The following WDR33 variants were observed in gnomAD, a reference collection of about 807,000 sequenced individuals.
WDR33 encodes the protein WD repeat domain 33.
WDR33 carries 47 observed loss-of-function variants against 164.9 expected under a neutral mutation model. The observed-to-expected ratio is 0.29, with a 90% CI of 0.23 to 0.36. The LOEUF is 0.36. Among genes scored for constraint, WDR33 ranks in the 10% least tolerant of loss-of-function variants. WDR33 has a pLI of 1.00. For synonymous variants in WDR33, 505 were observed against 589.0 expected, an observed-to-expected ratio of 0.86 and a Z score of 2.06; for missense variants, 1,137 against 1,754.1, an observed-to-expected ratio of 0.65 and a Z score of 6.28.
At position 127,735,980 on chromosome 2, in the gene WDR33, T is replaced by C. The variant is rs1428876072; in HGVS notation, c.725-9203A>G. 4.1e-6 allele frequency: 4 copies of C among 985,320 alleles called. No individual in the cohort carries two copies. Among genetic ancestry groups the C allele is most frequent in the Non-Finnish European group, 4.8e-6 (4 of 829,936 alleles). 61.0% of individuals were successfully genotyped at this position (985,320 alleles called of 1,614,324 possible). A position where few individuals can be genotyped will look rare whatever the true frequency, so the allele number is the denominator to read the frequency against. On this transcript the variant is annotated intron_variant, in intron 7 of 21. Transcript: ENST00000322313. This position sits in a 1 kb window ranked among gnomAD's most constrained non-coding sequence, Gnocchi z 4.3. ...GGGGGTATGCCTAGGCAGGGCAGTG[T>C]TTTCACAATGTATGTTCCAACAATA...
At position 127,726,596 on chromosome 2, in the gene WDR33, C is replaced by T. The variant is rs1224239594; in HGVS notation, c.851+55G>A. On this transcript the variant is annotated intron_variant, in intron 8 of 21. Coordinates refer to ENST00000322313, the MANE Select transcript of WDR33 (RefSeq NM_018383.5). This position sits in a 1 kb window ranked among gnomAD's most constrained non-coding sequence, Gnocchi z 4.8. ...GAAAACAAAGCTAAAAGTTAAAGGA[C>T]ACACTGCTTTGCTCCCCTTTGTTCA... The T allele has an allele frequency of 1.9e-6, 3 of 1,591,508 alleles. No homozygotes were observed. The highest frequency in any genetic ancestry group is 1.7e-6 in the Non-Finnish European group (2 of 1,170,828).
chr2:127,802,773 G>A (rs1336382471), intron 1 of WDR33, among the ~76,000 whole-genome samples: 1 of 152,102 alleles, frequency 6.6e-6, no homozygotes, highest in Non-Finnish European at 1.5e-5. Context: ...GACCCCAGGA[G>A]TTCGAGCCCA....
rs1686248595 is a variant in WDR33 at position 127,714,315 on chromosome 2, C to CTGGGCTTCAGAAGGAGCTTCCT, written c.2870-316_2870-295dup. On this transcript the variant is annotated intron_variant, in intron 17 of 21. Coordinates refer to ENST00000322313, the MANE Select transcript of WDR33 (RefSeq NM_018383.5). This position sits in a 1 kb window ranked among gnomAD's most constrained non-coding sequence, Gnocchi z 4.3. Reference sequence around the variant, plus strand: ...TACACTGGAAAAATGAGAGAGCCTCCTGGGCTTCAGAAGGAGCTTCCTTTG... The same window carrying CTGGGCTTCAGAAGGAGCTTCCT: ...TACACTGGAAAAATGAGAGAGCCTCCTGGGCTTCAGAAGGAGCTTCCTTGGGCTTCAGAAGGAGCTTCCTTTG... Among the ~76,000 whole-genome samples, 1 of 152,208 alleles carries CTGGGCTTCAGAAGGAGCTTCCT rather than the reference C, an allele frequency of 6.6e-6. No homozygotes were observed. The highest frequency in any genetic ancestry group is 2.1e-4 in the South Asian group (1 of 4,826).
chr2:127,794,695 G>T (rs1210579343), intron 1 of WDR33, among the ~76,000 whole-genome samples: 1 of 151,326 alleles, frequency 6.6e-6, no homozygotes, highest in Non-Finnish European at 1.5e-5. Flanking sequence ...TTAGCCAGGT[G>T]TAGTGGCGGG....
At chr2:127,745,183 G>C (rs968706682) in intron 7 of WDR33, among the ~76,000 whole-genome samples, 18 of 152,140 alleles carry the variant, frequency 1.2e-4, no homozygotes, top group Admixed American at 4.6e-4. Flanking sequence ...GTTGTATTCT[G>C]AAGAACACAT....
intron 7 of WDR33, among the ~76,000 whole-genome samples, chr2:127,751,995 G>A (rs771472977): frequency 1.2e-4 from 18 of 152,278 alleles, no homozygotes; most frequent in East Asian, 5.8e-4. Context: ...CAAGTTTCAC[G>A]GGGTGGACGC....
chr2:127,806,019 G>T (rs942562191), intron 1 of WDR33, among the ~76,000 whole-genome samples: 7 of 151,668 alleles, frequency 4.6e-5, no homozygotes. Flanking sequence ...AGGCCAAGGT[G>T]GGCAGATTGC....
rs758800770 is a variant in WDR33 at position 127,720,335 on chromosome 2, G to A, written c.1690C>T (p.Leu564Phe). The A allele has an allele frequency of 1.3e-6, 2 of 1,505,352 alleles. No homozygotes were observed. The highest frequency in any genetic ancestry group is 2.3e-5 in the Admixed American group (1 of 43,202). 93.2% of individuals were successfully genotyped at this position (1,505,352 alleles called of 1,614,324 possible). ...QLLEQLKIER[L>F]AQKQVEQIQP... ...ATTTGCTCAACTTGTTTCTGTGCAAGTCTTTCAATTTTAAGTTGCTGGAAA... is the reference window on the plus strand; with the variant it reads ...ATTTGCTCAACTTGTTTCTGTGCAAATCTTTCAATTTTAAGTTGCTGGAAA... The change falls in exon 16 of 22, where the codon CTT (leucine) becomes TTT (phenylalanine). Residue 564 changes from leucine (L) to phenylalanine (F), a missense_variant. By Grantham distance (22) the Leu-to-Phe change is conservative. Around this residue, in one of 9 missense-constraint regions of WDR33, gnomAD observed 867 missense variants for 1,073.0 expected, o/e 0.81. Coordinates refer to ENST00000322313, the MANE Select transcript of WDR33 (RefSeq NM_018383.5). This position sits in a 1 kb window ranked among gnomAD's most constrained non-coding sequence, Gnocchi z 5.9.
chr2:127,791,877 C>T (rs889167478), intron 1 of WDR33, among the ~76,000 whole-genome samples: 8 of 151,990 alleles, frequency 5.3e-5, no homozygotes, highest in Non-Finnish European at 1.2e-4. Context: ...TAGTTTTATC[C>T]ATTACTGCTT....
intron 7 of WDR33, among the ~76,000 whole-genome samples, chr2:127,732,050 T>G (rs1686720580): frequency 6.6e-6 from 1 of 151,078 alleles, no homozygotes; most frequent in East Asian, 1.9e-4. Flanking sequence ...ATTTTGCCAT[T>G]ACATTCCAGG....
Position 127,705,057 on chromosome 2 carries a change from G to C in WDR33, c.*1266C>G, listed in dbSNP as rs1685981283. On this transcript the variant is annotated 3_prime_UTR_variant, in exon 22 of 22. Coordinates refer to ENST00000322313, the MANE Select transcript of WDR33 (RefSeq NM_018383.5). This position sits in a 1 kb window ranked among gnomAD's most constrained non-coding sequence, Gnocchi z 4.5. ...CCACTGCACTCCTGGCTGGGTGACA[G>C]AGCAAGACTCTGTCAAAAAAGGAAA... 2 of 165,482 alleles carry C rather than the reference G, an allele frequency of 1.2e-5. No individual in the cohort carries two copies. Among genetic ancestry groups the C allele is most frequent in the African/African-American group, 4.8e-5 (2 of 41,414 alleles). The allele number at this position is 165,482 out of a possible 1,614,324, so 10.3% of individuals were successfully genotyped here.
Position 127,721,731 on chromosome 2 carries a change from G to T in WDR33, c.1671+105C>A. On this transcript the variant is annotated intron_variant, in intron 15 of 21. Coordinates refer to ENST00000322313, the MANE Select transcript of WDR33 (RefSeq NM_018383.5). The surrounding 1 kb of genome is among the most constrained non-coding windows in gnomAD (Gnocchi z 4.9). ...CAACAGGAAATGGCGGTGTTTGTCA[G>T]ACCATGGGAGAGCCCCTTCCCTTTT... 1 of 1,246,424 alleles carries T rather than the reference G, an allele frequency of 8.0e-7. No individual in the cohort carries two copies. Among genetic ancestry groups the T allele is most frequent in the Non-Finnish European group, 1.1e-6 (1 of 914,674 alleles). The allele number at this position is 1,246,424 out of a possible 1,614,324, so 77.2% of individuals were successfully genotyped here.
chr2:127,701,862 T>C lies in WDR33; in HGVS notation c.*4461A>G. The C allele has an allele frequency of 6.8e-7, 1 of 1,460,316 alleles. No homozygotes were observed. The highest frequency in any genetic ancestry group is 9.0e-7 in the Non-Finnish European group (1 of 1,111,490). 90.5% of individuals were successfully genotyped at this position (1,460,316 alleles called of 1,614,324 possible). A position where few individuals can be genotyped will look rare whatever the true frequency, so the allele number is the denominator to read the frequency against. On this transcript the variant is annotated 3_prime_UTR_variant, in exon 22 of 22. Coordinates refer to ENST00000322313, the MANE Select transcript of WDR33 (RefSeq NM_018383.5). ...GCGCGCGCGCAAGTTCGCGCTGCTC[T>C]GGTCACTGGGCTCGGCGCTGGCGTT...
At chr2:127,745,070 C>T (rs1428013924) in intron 7 of WDR33, among the ~76,000 whole-genome samples, 2 of 152,172 alleles carry the variant, frequency 1.3e-5, no homozygotes, top group African/African-American at 4.8e-5. Context: ...TATCATCTTC[C>T]TGATCACAGG....
intron 1 of WDR33, among the ~76,000 whole-genome samples, chr2:127,798,367 C>CAAAAAAAA (rs61568967): frequency 1.0e-4 from 2 of 19,292 alleles, no homozygotes; most frequent in African/African-American, 2.0e-4. Context: ...GACACCGTCG[C>CAAAAAAAA]AAAAAAAAAA....
chr2:127,708,562 T>G lies in WDR33; in HGVS notation c.3781+115A>C. 1.7e-6 allele frequency: 2 copies of G among 1,198,218 alleles called. No individual in the cohort carries two copies. The highest frequency in any genetic ancestry group is 2.3e-6 in the Non-Finnish European group (2 of 860,338). The allele number at this position is 1,198,218 out of a possible 1,614,324, so 74.2% of individuals were successfully genotyped here. A position where few individuals can be genotyped will look rare whatever the true frequency, so the allele number is the denominator to read the frequency against. ...AGCTCGTGTGGCACTGGCACCACATTTAGGAGCATGTGCCTCTGCACAGCC... is the reference window on the plus strand; with the variant it reads ...AGCTCGTGTGGCACTGGCACCACATGTAGGAGCATGTGCCTCTGCACAGCC... On this transcript the variant is annotated intron_variant, in intron 21 of 21. Transcript: ENST00000322313. The surrounding 1 kb of genome is among the most constrained non-coding windows in gnomAD (Gnocchi z 6.7).
intron 7 of WDR33, chr2:127,736,370 G>T: frequency 1.0e-6 from 1 of 985,422 alleles, no homozygotes; most frequent in Non-Finnish European, 1.2e-6. Flanking sequence ...ATTCAGAAAT[G>T]AGTGTTGCAA....
At chr2:127,727,036 C>G (rs1029457381) in intron 7 of WDR33, among the ~76,000 whole-genome samples, 1 of 152,070 alleles carries the variant, frequency 6.6e-6, no homozygotes, top group African/African-American at 2.4e-5. Flanking sequence ...GGAGGTCAGT[C>G]GAGGCTTTTG....
At chr2:127,772,806 T>C (rs1454031228) in intron 1 of WDR33, among the ~76,000 whole-genome samples, 1 of 152,100 alleles carries the variant, frequency 6.6e-6, no homozygotes, top group East Asian at 1.9e-4. Flanking sequence ...ATATGCATGA[T>C]TTTAAAATAA....
Sources: allele counts gnomAD v4.1 joint callset (sites outside exome capture counted in the v4.1 genomes callset), GRCh38; gene constraint gnomAD v4.1.1; regional missense constraint gnomAD v4.1.1; non-coding constraint Gnocchi (gnomAD v3.1); transcripts MANE v1.5; gene names NCBI Gene and HGNC (gene_info 2026-07-23, HGNC 2026-07-21).